The following CPA6 variants were observed in gnomAD, a reference collection of about 807,000 sequenced individuals.
The protein encoded by CPA6 is carboxypeptidase B.
CPA6 carries 58 observed loss-of-function variants against 63.3 expected under a neutral mutation model. The observed-to-expected ratio is 0.92, with a 90% confidence interval of 0.74 to 1.14. The LOEUF (loss-of-function observed/expected upper bound fraction) is 1.14. CPA6 is among the 50% of genes most tolerant of loss of function. The probability of loss-of-function intolerance (pLI) is 0.00; values close to 1 mark genes in which losing one functional copy is unlikely to be tolerated. For missense variants in CPA6, 565 were observed against 526.6 expected (o/e 1.07, Z -0.71); for synonymous variants, 185 against 179.0 (o/e 1.03, Z -0.27).
intron 1 of CPA6, among the ~76,000 whole-genome samples, chr8:67,640,202 G>C (rs901523826): frequency 4.0e-5 from 6 of 151,132 alleles, no homozygotes; most frequent in Non-Finnish European, 8.8e-5. Flanking sequence ...CCCCAGCTTG[G>C]AGGTGGGGCT....
intron 6 of CPA6, among the ~76,000 whole-genome samples, chr8:67,496,523 A>C (rs1186609479): frequency 8.7e-5 from 2 of 22,974 alleles, no homozygotes; most frequent in Non-Finnish European, 2.6e-4. Context: ...TATAGTTTAT[A>C]TATATATATA....
At chr8:67,450,439 C>T (rs2128955642) in intron 8 of CPA6, among the ~76,000 whole-genome samples, 1 of 152,298 alleles carries the variant, frequency 6.6e-6, no homozygotes, top group South Asian at 2.1e-4. Context: ...TTTCCATCCT[C>T]TCTGTAGATT....
chr8:67,648,385 G>C (rs1000662878), intron 1 of CPA6, among the ~76,000 whole-genome samples: 3 of 150,816 alleles, frequency 2.0e-5, no homozygotes, highest in African/African-American at 7.3e-5. Flanking sequence ...GGTAAAGAAC[G>C]GCATTGCTAA....
intron 2 of CPA6, among the ~76,000 whole-genome samples, chr8:67,534,878 C>T (rs553579621): frequency 1.3e-5 from 2 of 151,780 alleles, no homozygotes; most frequent in Admixed American, 6.6e-5. Context: ...GCCCCCCACC[C>T]CCCGACAGGC....
chr8:67,493,313 A>G (rs983764917), intron 6 of CPA6, among the ~76,000 whole-genome samples: 1 of 152,166 alleles, frequency 6.6e-6, no homozygotes, highest in Non-Finnish European at 1.5e-5. Flanking sequence ...GAGCAGCAAG[A>G]CATAATGAGA....
In CPA6 at chr8:67,658,405, C is replaced by T. The variant is rs575717174; in HGVS notation, c.117-34154G>A. Among the ~76,000 whole-genome samples, 11 of 152,272 alleles carry T rather than the reference C, an allele frequency of 7.2e-5. No individual in the cohort carries two copies. The South Asian group carries it at 8.3e-4, about 11-fold the overall frequency. ...AGGTATGTCATATACATTTGTTAAA[C>T]GAATAGCTGCACAGATGTAATTTAC... On this transcript the variant is annotated intron_variant, in intron 1 of 10. Transcript: ENST00000297770.
chr8:67,674,999 G>A (rs1816438059), intron 1 of CPA6, among the ~76,000 whole-genome samples: 1 of 152,092 alleles, frequency 6.6e-6, no homozygotes, highest in African/African-American at 2.4e-5. Context: ...AACATGGGAA[G>A]AACAGACACT....
intron 10 of CPA6, 35 bp from the exon 11 acceptor site, chr8:67,422,726 C>A (rs533779948): frequency 7.3e-6 from 11 of 1,513,630 alleles, no homozygotes; most frequent in Non-Finnish European, 9.9e-6. Context: ...AGATCAGCCT[C>A]ACTAAAGAGT....
intron 1 of CPA6, among the ~76,000 whole-genome samples, chr8:67,650,621 T>C (rs978375658): frequency 1.3e-5 from 2 of 152,156 alleles, no homozygotes; most frequent in Non-Finnish European, 2.9e-5. Flanking sequence ...TCATGTCTAT[T>C]GAGGCTCACT....
intron 2 of CPA6, among the ~76,000 whole-genome samples, chr8:67,560,178 T>TATATATATATATATATA (rs1564000623): frequency 1.4e-4 from 21 of 150,260 alleles, no homozygotes; most frequent in South Asian, 2.1e-4. Context: ...TATATATATA[T>TATATATATATATATATA]TCCAGATGTA....
At chr8:67,643,800 G>T (rs898984741) in intron 1 of CPA6, among the ~76,000 whole-genome samples, 1 of 152,072 alleles carries the variant, frequency 6.6e-6, no homozygotes, top group Non-Finnish European at 1.5e-5. Flanking sequence ...GAATGACCTA[G>T]TACCGGTAGA....
At chr8:67,584,968 T>C (rs923339911) in intron 2 of CPA6, among the ~76,000 whole-genome samples, 26 of 152,214 alleles carry the variant, frequency 1.7e-4, no homozygotes, top group African/African-American at 6.0e-4. Context: ...GGATGATTCC[T>C]ATGCCTTCTC....
intron 1 of CPA6, among the ~76,000 whole-genome samples, chr8:67,690,142 A>T (rs1385024555): frequency 2.0e-5 from 3 of 152,070 alleles, no homozygotes; most frequent in Non-Finnish European, 4.4e-5. Context: ...CTGAAGATAT[A>T]AGCTTCTCAT....
intron 1 of CPA6, among the ~76,000 whole-genome samples, chr8:67,667,254 G>A (rs1461473184): frequency 1.3e-5 from 2 of 152,140 alleles, no homozygotes; most frequent in African/African-American, 4.8e-5. Flanking sequence ...TGGGGTGAAG[G>A]CTTTATGTTT....
chr8:67,494,587 C>T (rs1045401775), intron 6 of CPA6, among the ~76,000 whole-genome samples: 2 of 152,052 alleles, frequency 1.3e-5, no homozygotes, highest in African/African-American at 4.8e-5. Flanking sequence ...GGAGGTTATT[C>T]TGAAAAATGA....
At chr8:67,647,542 C>T (rs901435003) in intron 1 of CPA6, among the ~76,000 whole-genome samples, 9 of 152,038 alleles carry the variant, frequency 5.9e-5, no homozygotes, top group Admixed American at 2.0e-4. Flanking sequence ...CCACAAAATA[C>T]GATGCTTTGA....
chr8:67,684,005 A>G (rs1317341739), intron 1 of CPA6, among the ~76,000 whole-genome samples: 25 of 107,810 alleles, frequency 2.3e-4, no homozygotes, highest in African/African-American at 1.0e-3. Context: ...TAAAATGTAT[A>G]TATATATATA....
intron 1 of CPA6, among the ~76,000 whole-genome samples, chr8:67,649,804 A>G (rs908642848): frequency 1.3e-5 from 2 of 152,172 alleles, no homozygotes; most frequent in African/African-American, 2.4e-5. Context: ...ATTTAAGCTC[A>G]GTCTGACCAA....
chr8:67,705,346 G>C (rs1040482785), intron 1 of CPA6, among the ~76,000 whole-genome samples: 6 of 152,086 alleles, frequency 3.9e-5, no homozygotes, highest in Non-Finnish European at 7.4e-5. Flanking sequence ...CAAAGCCAAG[G>C]GCAACTCTGG....
Sources: gnomAD v4.1 joint callset for allele counts (sites outside exome capture counted in the v4.1 genomes callset) on GRCh38, gnomAD v4.1.1 for gene constraint, MANE v1.5 for transcripts, NCBI Gene and HGNC (gene_info 2026-07-23, HGNC 2026-07-21) for gene names.